TYR: variants seen among roughly 807,000 people sequenced by gnomAD.
The protein encoded by TYR is LB24-AB.
Under a neutral mutation model 51.5 loss-of-function variants are expected in TYR, and 58 were observed. That is an observed-to-expected ratio of 1.13 (90% CI 0.91 to 1.40). The LOEUF (loss-of-function observed/expected upper bound fraction) is 1.40, where lower values mean the gene tolerates loss of function less well. Among genes scored for constraint, TYR ranks in the 40% most tolerant of loss-of-function variants. TYR has a pLI of 0.00. For synonymous variants in TYR, 263 were observed against 235.2 expected (o/e 1.12, Z -1.08); for missense variants, 732 against 647.4 (o/e 1.13, Z -1.42).
intron 3 of TYR, among the ~76,000 whole-genome samples, chr11:89,283,221 A>T (rs2135323194): frequency 6.6e-6 from 1 of 151,900 alleles, no homozygotes; most frequent in Non-Finnish European, 1.5e-5. Context: ...TTCCTCACTA[A>T]ATTCACAACT....
intron 3 of TYR, among the ~76,000 whole-genome samples, chr11:89,242,787 AAT>A (rs1944216564): frequency 6.6e-6 from 1 of 152,178 alleles, no homozygotes; most frequent in African/African-American, 2.4e-5. Context: ...CTAAAATGGG[AAT>A]CCCTAAAGAG....
chr11:89,238,992 T>G (rs961450132), intron 3 of TYR, among the ~76,000 whole-genome samples: 1 of 152,156 alleles, frequency 6.6e-6, no homozygotes, highest in Non-Finnish European at 1.5e-5. Context: ...TTTAGTATTC[T>G]TTGAAGAGTT....
chr11:89,205,964 T>G (rs752094794), intron 2 of TYR, among the ~76,000 whole-genome samples: 4 of 152,038 alleles, frequency 2.6e-5, no homozygotes, highest in Non-Finnish European at 4.4e-5. Context: ...CCAGCAGAGA[T>G]AAATTATGTA....
At chr11:89,201,704 G>A (rs1238171558) in intron 2 of TYR, among the ~76,000 whole-genome samples, 3 of 152,264 alleles carry the variant, frequency 2.0e-5, no homozygotes, top group Admixed American at 6.5e-5. Flanking sequence ...TGTGAACACA[G>A]AAAAAGGCAA....
chr11:89,223,077 G>A (rs986221622), intron 2 of TYR, among the ~76,000 whole-genome samples: 2 of 152,122 alleles, frequency 1.3e-5, no homozygotes, highest in Non-Finnish European at 2.9e-5. Flanking sequence ...CTACCCAACT[G>A]TATATGCAAA....
chr11:89,211,263 G>C (rs1943751334), intron 2 of TYR, among the ~76,000 whole-genome samples: 1 of 152,034 alleles, frequency 6.6e-6, no homozygotes, highest in Non-Finnish European at 1.5e-5. Flanking sequence ...GACTGAAGAA[G>C]ATCTACCAAG....
At chr11:89,243,628 G>A (rs1235615850) in intron 3 of TYR, among the ~76,000 whole-genome samples, 1 of 152,044 alleles carries the variant, frequency 6.6e-6, no homozygotes, top group Non-Finnish European at 1.5e-5. Context: ...GTAGTTTTCT[G>A]TGCTCAGGGT....
intron 3 of TYR, among the ~76,000 whole-genome samples, chr11:89,272,417 G>T (rs1944599663): frequency 6.6e-6 from 1 of 151,258 alleles, no homozygotes; most frequent in Non-Finnish European, 1.5e-5. Context: ...TGAAGGAGTG[G>T]GTCTCAACAG....
chr11:89,278,475 T>C (rs1391672261), intron 3 of TYR, among the ~76,000 whole-genome samples: 4 of 151,708 alleles, frequency 2.6e-5, no homozygotes, highest in Non-Finnish European at 5.9e-5. Context: ...AAAAAGGTCT[T>C]CTATTACATA....
At chr11:89,184,551 G>C (rs976372690) in intron 1 of TYR, among the ~76,000 whole-genome samples, 3 of 152,062 alleles carry the variant, frequency 2.0e-5, no homozygotes. Flanking sequence ...AATATCATAT[G>C]GCCCTAAGAC....
At chr11:89,181,081 C>T (rs918997447) in intron 1 of TYR, among the ~76,000 whole-genome samples, 1 of 152,116 alleles carries the variant, frequency 6.6e-6, no homozygotes, top group Non-Finnish European at 1.5e-5. Flanking sequence ...GTGGTGCAAT[C>T]TCCATACGCT....
intron 3 of TYR, among the ~76,000 whole-genome samples, chr11:89,266,582 C>A (rs146977356): frequency 3.1e-3 from 464 of 152,050 alleles, no homozygotes; most frequent in African/African-American, 9.9e-3. Context: ...TCTTTCTATG[C>A]ACCATTTTTT....
chr11:89,231,430 G>GT (rs1944048960), intron 3 of TYR, among the ~76,000 whole-genome samples: 1 of 123,646 alleles, frequency 8.1e-6, no homozygotes, highest in South Asian at 2.7e-4. Flanking sequence ...AGAAAATGTG[G>GT]TATATATACA....
chr11:89,244,940 T>G lies in TYR; in HGVS notation c.1184+16970T>G, dbSNP rs187895284. On this transcript the variant is annotated intron_variant, in intron 3 of 4. Coordinates refer to ENST00000263321, the MANE Select transcript of TYR (RefSeq NM_000372.5). The stretch of plus-strand genomic sequence containing the variant: ...TAACTCTGCAGTAATAGTGGCTCAA[T>G]AGGACAGGATATTTGGAAGTGAGAA... 5.2e-3 allele frequency among the ~76,000 whole-genome samples: 787 copies of G among 152,236 alleles called. 7 individuals are homozygous for G. The highest frequency in any genetic ancestry group is 6.8e-3 in the Middle Eastern group (2 of 294).
At chr11:89,247,092 G>T (rs7117826) in intron 3 of TYR, among the ~76,000 whole-genome samples, 8 of 151,962 alleles carry the variant, frequency 5.3e-5, no homozygotes, top group Non-Finnish European at 1.2e-4. Flanking sequence ...AACAAAGAGC[G>T]GTTATACCAT....
chr11:89,255,659 T>G (rs1049385429), intron 3 of TYR, among the ~76,000 whole-genome samples: 1 of 151,728 alleles, frequency 6.6e-6, no homozygotes, highest in African/African-American at 2.4e-5. Flanking sequence ...AAAGAAGTAG[T>G]TCATTTTGTT....
At chr11:89,282,775 C>A (rs1457254066) in intron 3 of TYR, among the ~76,000 whole-genome samples, 1 of 151,710 alleles carries the variant, frequency 6.6e-6, no homozygotes, top group Non-Finnish European at 1.5e-5. Context: ...GAATACTAAC[C>A]ATCACTAAAG....
intron 3 of TYR, among the ~76,000 whole-genome samples, chr11:89,265,493 G>A (rs577237200): frequency 1.3e-5 from 2 of 152,042 alleles, no homozygotes; most frequent in African/African-American, 4.8e-5. Flanking sequence ...CTAATCACTT[G>A]GAGAAAATAG....
chr11:89,198,289 A>G (rs1278953844), intron 2 of TYR, among the ~76,000 whole-genome samples: 1 of 152,176 alleles, frequency 6.6e-6, no homozygotes, highest in Non-Finnish European at 1.5e-5. Flanking sequence ...TATAAACTAG[A>G]TAGCCAAGGA....
Sources: allele counts gnomAD v4.1 joint callset (sites outside exome capture counted in the v4.1 genomes callset), GRCh38; gene constraint gnomAD v4.1.1; transcripts MANE v1.5; gene names NCBI Gene and HGNC (gene_info 2026-07-23, HGNC 2026-07-21).